The following PNPLA7 variants were observed in gnomAD, a reference collection of about 807,000 sequenced individuals.
PNPLA7 encodes the protein patatin-like phospholipase domain-containing protein 7.
A neutral mutation model predicts 161.7 loss-of-function variants in PNPLA7; 153 were observed. The observed-to-expected ratio is 0.95, with a 90% CI of 0.83 to 1.08. The LOEUF (loss-of-function observed/expected upper bound fraction) is 1.08, where lower values mean the gene tolerates loss of function less well. Ranked by LOEUF, PNPLA7 falls within the 50% of genes least tolerant of loss-of-function variation. The pLI is 0.00. For synonymous variants in PNPLA7, 809 were observed against 782.1 expected, an observed-to-expected ratio of 1.03 and a Z score of -0.57; for missense variants, 1,739 against 1,856.6, an observed-to-expected ratio of 0.94 and a Z score of 1.16.
intron 12 of PNPLA7, among the ~76,000 whole-genome samples, chr9:137,514,694 C>A (rs1408580355): frequency 7.9e-6 from 1 of 126,026 alleles, no homozygotes; most frequent in Non-Finnish European, 1.6e-5. Flanking sequence ...GCGGGTCACT[C>A]GGATGTTGAT....
Position 137,540,615 on chromosome 9 carries a change from C to T in PNPLA7, c.747+27G>A, listed in dbSNP as rs774051911. 2.0e-5 allele frequency: 32 copies of T among 1,593,210 alleles called. No individual in the cohort carries two copies. Among genetic ancestry groups the T allele is most frequent in the Middle Eastern group, 3.3e-4 (2 of 6,062 alleles). On this transcript the variant is annotated intron_variant, in intron 8 of 34. Coordinates refer to ENST00000406427, the MANE Select transcript of PNPLA7 (RefSeq NM_001098537.3). This position sits in a 1 kb window ranked among gnomAD's most constrained non-coding sequence, Gnocchi z 5.1. ...CCTCCGGGGCCAACCCAGGGGCGCC[C>T]GGAGGGCCAGGCAGCGGGGGACTCA...
rs753489491 is a variant in PNPLA7 at position 137,461,503 on chromosome 9, G to A, written c.3841+33C>T. ...AACACAGCATCAGGAGGTCACGCAC[G>A]TCTCCACGGCTTCGTCTTGCGCCTC... On this transcript the variant is annotated intron_variant, in intron 33 of 34. Transcript: ENST00000406427. The A allele has an allele frequency of 5.0e-6, 8 of 1,588,642 alleles. No individual in the cohort carries two copies. The African/African-American group carries it at 5.4e-5, about 11-fold the overall frequency.
At position 137,524,432 on chromosome 9, in the gene PNPLA7, G is replaced by A. The variant is rs1835197235; in HGVS notation, c.748-1575C>T. ...TGGAGGCCTTGCAGTGTCTCCTCGTGAAGGCCTCGCAGGGTCTCCGTCCAT... is the reference window on the plus strand; with the variant it reads ...TGGAGGCCTTGCAGTGTCTCCTCGTAAAGGCCTCGCAGGGTCTCCGTCCAT... On this transcript the variant is annotated intron_variant, in intron 8 of 34. Coordinates refer to ENST00000406427, the MANE Select transcript of PNPLA7 (RefSeq NM_001098537.3). The surrounding 1 kb of genome is among the most constrained non-coding windows in gnomAD (Gnocchi z 4.4). 6.6e-6 allele frequency among the ~76,000 whole-genome samples: 1 copy of A among 152,120 alleles called. No homozygotes were observed. Among genetic ancestry groups the A allele is most frequent in the African/African-American group, 2.4e-5 (1 of 41,430 alleles).
At chr9:137,494,854 G>A (rs1406647294) in intron 19 of PNPLA7, among the ~76,000 whole-genome samples, 179 bp downstream of exon 19, 3 of 126,972 alleles carry the variant, frequency 2.4e-5, no homozygotes, top group East Asian at 4.9e-4. Context: ...CCTCACCTGC[G>A]CCCTGCCCTC....
At chr9:137,481,974 G>A (rs548687874) in intron 21 of PNPLA7, among the ~76,000 whole-genome samples, 141 of 152,246 alleles carry the variant, frequency 9.3e-4, no homozygotes, top group Admixed American at 2.2e-3. Context: ...AATGTGTCTC[G>A]TGCCTTAACT....
intron 33 of PNPLA7, 83 bp from the exon 34 acceptor site, chr9:137,460,820 G>A (rs1831149673): frequency 2.3e-6 from 3 of 1,277,100 alleles, no homozygotes; most frequent in East Asian, 4.9e-5. Context: ...GGCAGAACCG[G>A]CCACAGATGC....
chr9:137,519,940 C>A lies in PNPLA7; in HGVS notation c.1061G>T (p.Arg354Leu), dbSNP rs775309090. The change falls in exon 11 of 35, where the codon CGG becomes CTG. Residue 354 changes from arginine (R) to leucine (L), a missense_variant. Arg to Leu is a moderately radical substitution (Grantham distance 102, BLOSUM62 -2). Around this residue, in one of 6 missense-constraint regions of PNPLA7, gnomAD observed 481 missense variants for 450.0 expected, o/e 1.07. Transcript: ENST00000406427. Reference sequence around the variant, plus strand: ...ACCTGAGTCACAGGACTCCTGGAGCCGCGGTGGCTTTTTAAGCCGCTCTTC... The same window carrying A: ...ACCTGAGTCACAGGACTCCTGGAGCAGCGGTGGCTTTTTAAGCCGCTCTTC... ...GEEERLKKPP[R>L]LQESCDSDHG... The A allele has an allele frequency of 6.2e-7, 1 of 1,612,644 alleles. No homozygotes were observed. Among genetic ancestry groups the A allele is most frequent in the Non-Finnish European group, 8.5e-7 (1 of 1,179,858 alleles).
At chr9:137,507,186 A>C (rs36051292) in intron 12 of PNPLA7, among the ~76,000 whole-genome samples, 3,249 of 152,314 alleles carry the variant, frequency 0.021, 43 homozygotes, top group Non-Finnish European at 0.033. Flanking sequence ...TGTATTACTC[A>C]TGCCCCCGTC....
At chr9:137,493,288 G>A (rs779602794) in intron 19 of PNPLA7, among the ~76,000 whole-genome samples, 25 of 152,344 alleles carry the variant, frequency 1.6e-4, no homozygotes, top group Non-Finnish European at 3.4e-4. Context: ...TGATGCCCAG[G>A]TAAGCCATAC....
intron 18 of PNPLA7, among the ~76,000 whole-genome samples, chr9:137,495,490 C>T (rs1030098605): frequency 1.4e-4 from 21 of 152,112 alleles, no homozygotes; most frequent in African/African-American, 4.8e-4. Context: ...GTCACCCAGG[C>T]TGGAGTGCAG....
chr9:137,512,323 C>T (rs1418296953), intron 12 of PNPLA7, among the ~76,000 whole-genome samples: 1 of 152,256 alleles, frequency 6.6e-6, no homozygotes, highest in Non-Finnish European at 1.5e-5. Context: ...CACATGACGG[C>T]ATGGATGGAC....
At chr9:137,461,315 G>A in intron 33 of PNPLA7, 1 of 515,120 alleles carries the variant, frequency 1.9e-6, no homozygotes, top group South Asian at 2.7e-5. Context: ...GTGAATGAAG[G>A]GCAGGGGCTG....
In PNPLA7 at chr9:137,465,112, G is replaced by A. The variant is rs542635495; in HGVS notation, c.3040-656C>T. On this transcript the variant is annotated intron_variant, in intron 26 of 34. Transcript: ENST00000406427. ...CATAGTGAGCCAGGGCTCAGGGGACGGAGGCTGGGAGGGAAGCGCTTGGAG... is the reference window on the plus strand; with the variant it reads ...CATAGTGAGCCAGGGCTCAGGGGACAGAGGCTGGGAGGGAAGCGCTTGGAG... 9.6e-4 allele frequency among the ~76,000 whole-genome samples: 146 copies of A among 152,310 alleles called. 1 individual carries two copies. Among genetic ancestry groups the A allele is most frequent in the South Asian group, 9.3e-3 (45 of 4,824 alleles).
At position 137,460,700 on chromosome 9, in the gene PNPLA7, C is replaced by A. The variant is rs748893573; in HGVS notation, c.3879G>T (p.Leu1293=). 1.2e-6 allele frequency: 2 copies of A among 1,612,864 alleles called. No individual in the cohort carries two copies. Among genetic ancestry groups the A allele is most frequent in the South Asian group, 2.2e-5 (2 of 91,092 alleles). The stretch of plus-strand genomic sequence containing the variant: ...CGTATGCATCCCTGGGGACGTCCAG[C>A]AGCTCCTCCTCGTACTCCGTCTGGT... ...SDYQTEYEEE[L]LDVPRDAYAD... is the part of the protein sequence containing the mutation. The change falls in exon 34 of 35, where the codon CTG becomes CTT. Residue 1293 remains leucine, a synonymous_variant. Coordinates refer to ENST00000406427, the MANE Select transcript of PNPLA7 (RefSeq NM_001098537.3).
Position 137,501,674 on chromosome 9 carries a change from C to G in PNPLA7, c.1527G>C (p.Thr509=). 2 of 1,612,590 alleles carry G rather than the reference C, an allele frequency of 1.2e-6. No individual in the cohort carries two copies. The highest frequency in any genetic ancestry group is 1.7e-6 in the Non-Finnish European group (2 of 1,179,878). ...CCTGGTCTCCCTGCCTTGACACCAC[C>G]GTGCCTGCAGGAACGTGCAGAAGCG... The part of the protein sequence containing the change: ...RVALLHVPAG[T]VVSRQGDQDA... Residue 509 remains threonine (T), a synonymous_variant, in exon 15 of 35, where the codon ACG becomes ACC. Coordinates refer to ENST00000406427, the MANE Select transcript of PNPLA7 (RefSeq NM_001098537.3).
rs1225396888 is a variant in PNPLA7 at position 137,540,135 on chromosome 9, C to T, written c.747+507G>A. Among the ~76,000 whole-genome samples the T allele has an allele frequency of 6.6e-6, 1 of 152,194 alleles. No individual in the cohort carries two copies. Among genetic ancestry groups the T allele is most frequent in the Non-Finnish European group, 1.5e-5 (1 of 68,026 alleles). ...CTGCATCCCTGGGACCCTGCAAGTCCACCCTAGGATTTATCCTGCAGATCA... is the reference window on the plus strand; with the variant it reads ...CTGCATCCCTGGGACCCTGCAAGTCTACCCTAGGATTTATCCTGCAGATCA... On this transcript the variant is annotated intron_variant, in intron 8 of 34. Transcript: ENST00000406427. This position sits in a 1 kb window ranked among gnomAD's most constrained non-coding sequence, Gnocchi z 5.1.
intron 14 of PNPLA7, among the ~76,000 whole-genome samples, chr9:137,502,894 C>A (rs1758521227): frequency 6.6e-6 from 1 of 151,546 alleles, no homozygotes; most frequent in African/African-American, 2.4e-5. Context: ...CCTGAAATAT[C>A]CACCAGTGAC....
intron 12 of PNPLA7, among the ~76,000 whole-genome samples, chr9:137,507,124 C>T (rs941710388): frequency 3.3e-5 from 5 of 152,238 alleles, no homozygotes; most frequent in Non-Finnish European, 7.3e-5. Flanking sequence ...GCTGAGGGTG[C>T]GCTGGTCGGG....
At chr9:137,542,913 G>T in intron 6 of PNPLA7, 112 bp from the exon 7 acceptor site, 2 of 1,164,052 alleles carry the variant, frequency 1.7e-6, no homozygotes, top group Middle Eastern at 2.9e-4. Flanking sequence ...GCTTTGTGCT[G>T]TGGGTCCACA....
Sources: allele counts gnomAD v4.1 joint callset (sites outside exome capture counted in the v4.1 genomes callset), GRCh38; gene constraint gnomAD v4.1.1; regional missense constraint gnomAD v4.1.1; non-coding constraint Gnocchi (gnomAD v3.1); transcripts MANE v1.5; gene names NCBI Gene and HGNC (gene_info 2026-07-23, HGNC 2026-07-21).